CNTN5: variants seen among roughly 807,000 people sequenced by gnomAD.
The protein encoded by CNTN5 is contactin-5.
A neutral mutation model predicts 129.1 loss-of-function variants in CNTN5; 77 were observed. The observed-to-expected ratio is 0.60, with a 90% CI of 0.50 to 0.72. The LOEUF (loss-of-function observed/expected upper bound fraction) is 0.72. Ranked by LOEUF, CNTN5 falls within the 30% of genes least tolerant of loss-of-function variation. The pLI is 0.00. For missense variants in CNTN5, 1,478 were observed against 1,328.8 expected, an observed-to-expected ratio of 1.11 and a Z score of -1.75; for synonymous variants, 509 against 465.6, an observed-to-expected ratio of 1.09 and a Z score of -1.20.
intron 2 of CNTN5, among the ~76,000 whole-genome samples, chr11:99,521,446 A>C (rs760867315): frequency 2.6e-5 from 4 of 152,200 alleles, no homozygotes; most frequent in Non-Finnish European, 4.4e-5. Context: ...CTCTAAAAAA[A>C]TAATTTTAGG....
chr11:100,279,013 G>A (rs1950576196), intron 18 of CNTN5, among the ~76,000 whole-genome samples: 1 of 151,942 alleles, frequency 6.6e-6, no homozygotes, highest in African/African-American at 2.4e-5. Flanking sequence ...TTATCATGAA[G>A]AGATGCTAAA....
At chr11:99,845,946 A>G (rs1755070552) in intron 6 of CNTN5, among the ~76,000 whole-genome samples, 1 of 152,130 alleles carries the variant, frequency 6.6e-6, no homozygotes, top group African/African-American at 2.4e-5. Flanking sequence ...TCTACTAACT[A>G]CTATAGTCAC....
At chr11:99,738,996 T>C (rs1377986707) in intron 3 of CNTN5, among the ~76,000 whole-genome samples, 2 of 152,162 alleles carry the variant, frequency 1.3e-5, no homozygotes, top group East Asian at 3.9e-4. Flanking sequence ...GGCCCAGATG[T>C]AATAAATATA....
At chr11:99,081,377 A>G (rs1007856570) in intron 1 of CNTN5, among the ~76,000 whole-genome samples, 3 of 152,196 alleles carry the variant, frequency 2.0e-5, no homozygotes, top group Non-Finnish European at 4.4e-5. Flanking sequence ...TGTGTAGAAA[A>G]CATTTCTCAA....
At chr11:99,431,464 G>T (rs184434850) in intron 2 of CNTN5, among the ~76,000 whole-genome samples, 1 of 152,232 alleles carries the variant, frequency 6.6e-6, no homozygotes, top group East Asian at 1.9e-4. Context: ...TTCTAGAAAA[G>T]GAATTGTACA....
intron 3 of CNTN5, among the ~76,000 whole-genome samples, chr11:99,681,635 G>A (rs993531532): frequency 3.3e-5 from 5 of 152,120 alleles, no homozygotes; most frequent in Non-Finnish European, 7.4e-5. Flanking sequence ...AGCACTGGAT[G>A]CCAAAAAATT....
At chr11:100,223,313 A>T (rs1475543509) in intron 15 of CNTN5, among the ~76,000 whole-genome samples, 1 of 152,160 alleles carries the variant, frequency 6.6e-6, no homozygotes, top group African/African-American at 2.4e-5. Context: ...GGAAGGCAAA[A>T]AGCAAAACAC....
At chr11:99,130,416 T>C (rs1858873920) in intron 1 of CNTN5, among the ~76,000 whole-genome samples, 1 of 152,176 alleles carries the variant, frequency 6.6e-6, no homozygotes, top group Non-Finnish European at 1.5e-5. Flanking sequence ...AAAAGCTAAC[T>C]ATCCTAAATA....
chr11:100,007,253 A>T (rs558298909), intron 9 of CNTN5, among the ~76,000 whole-genome samples: 2 of 152,056 alleles, frequency 1.3e-5, no homozygotes, highest in Non-Finnish European at 2.9e-5. Context: ...GTAAATGAGC[A>T]TTGGCTTCAG....
intron 8 of CNTN5, among the ~76,000 whole-genome samples, chr11:99,971,554 C>CA (rs1441065942): frequency 8.0e-5 from 12 of 150,870 alleles, no homozygotes; most frequent in African/African-American, 2.9e-4. Flanking sequence ...ACATTAAAAA[C>CA]AAAAAACAAA....
intron 1 of CNTN5, among the ~76,000 whole-genome samples, chr11:99,117,107 A>G (rs947113924): frequency 6.6e-6 from 1 of 152,202 alleles, no homozygotes; most frequent in African/African-American, 2.4e-5. Context: ...AAGATTTTCA[A>G]GAAGGAAGAA....
At chr11:99,897,721 T>C (rs1420924468) in intron 6 of CNTN5, among the ~76,000 whole-genome samples, 1 of 151,950 alleles carries the variant, frequency 6.6e-6, no homozygotes, top group Non-Finnish European at 1.5e-5. Context: ...ACAGACCCTA[T>C]AAAGCAACTG....
At chr11:99,340,011 A>G (rs1866435619) in intron 2 of CNTN5, among the ~76,000 whole-genome samples, 1 of 152,178 alleles carries the variant, frequency 6.6e-6, no homozygotes, top group Non-Finnish European at 1.5e-5. Flanking sequence ...TGAATTGAGC[A>G]ATGTCGTGAT....
At chr11:99,439,206 G>A (rs949019251) in intron 2 of CNTN5, among the ~76,000 whole-genome samples, 4 of 151,446 alleles carry the variant, frequency 2.6e-5, no homozygotes, top group Non-Finnish European at 5.9e-5. Context: ...TGTCCAGTAC[G>A]GCTATAGCAC....
intron 1 of CNTN5, among the ~76,000 whole-genome samples, chr11:99,185,779 G>A (rs1858315620): frequency 6.6e-6 from 1 of 151,188 alleles, no homozygotes; most frequent in African/African-American, 2.4e-5. Flanking sequence ...AAAGAGAAAT[G>A]TTATCACAAT....
At chr11:99,218,123 C>G (rs139538410) in intron 1 of CNTN5, among the ~76,000 whole-genome samples, 1 of 152,064 alleles carries the variant, frequency 6.6e-6, no homozygotes, top group South Asian at 2.1e-4. Flanking sequence ...TTTGCCAAAT[C>G]TAATGGTGGA....
At chr11:99,383,480 G>C (rs1425148503) in intron 2 of CNTN5, among the ~76,000 whole-genome samples, 1 of 152,152 alleles carries the variant, frequency 6.6e-6, no homozygotes, top group Non-Finnish European at 1.5e-5. Context: ...TTCAGATTCT[G>C]AGTGATCCTC....
intron 6 of CNTN5, among the ~76,000 whole-genome samples, chr11:99,913,728 G>A (rs1295195060): frequency 6.6e-6 from 1 of 151,992 alleles, no homozygotes; most frequent in Admixed American, 6.6e-5. Context: ...CTCAGAAATA[G>A]GCATTAATTT....
chr11:99,547,247 C>T (rs563151531), intron 2 of CNTN5, among the ~76,000 whole-genome samples: 5 of 152,032 alleles, frequency 3.3e-5, no homozygotes, highest in Non-Finnish European at 5.9e-5. Context: ...TCAGGTGATC[C>T]GCCTGCCTCG....
Sources: gnomAD v4.1 joint callset for allele counts (sites outside exome capture counted in the v4.1 genomes callset) on GRCh38, gnomAD v4.1.1 for gene constraint, MANE v1.5 for transcripts, NCBI Gene and HGNC (gene_info 2026-07-23, HGNC 2026-07-21) for gene names.